The following PPP1R1C variants were observed in gnomAD, a reference collection of about 807,000 sequenced individuals.
PPP1R1C encodes protein phosphatase 1 regulatory subunit 1C.
A neutral mutation model predicts 17.4 loss-of-function variants in PPP1R1C; 15 were observed. The ratio of observed to expected loss-of-function variants is 0.86; its 90% CI spans 0.58 to 1.33. The LOEUF is 1.33. Ranked by LOEUF, PPP1R1C falls within the 40% of genes most tolerant of loss-of-function variation. The pLI is 0.00. For missense variants in PPP1R1C, 143 were observed against 130.0 expected (o/e 1.10, Z -0.48); for synonymous variants, 35 against 43.1 (o/e 0.81, Z 0.73).
upstream of PPP1R1C, among the ~76,000 whole-genome samples, chr2:181,981,171 G>T (rs1159498169): frequency 6.6e-6 from 1 of 151,742 alleles, no homozygotes; most frequent in Admixed American, 6.6e-5. Context: ...CTCGTGATCC[G>T]CCCGCCTCGG....
intron 1 of PPP1R1C, among the ~76,000 whole-genome samples, chr2:181,955,245 C>T (rs1348331565): frequency 6.6e-6 from 1 of 152,174 alleles, no homozygotes; most frequent in Non-Finnish European, 1.5e-5. Context: ...TGATTAGATT[C>T]CTGTTTTCAT....
chr2:182,123,377 A>T, intron 5 of PPP1R1C, among the ~76,000 whole-genome samples: 1 of 152,214 alleles, frequency 6.6e-6, no homozygotes, highest in East Asian at 1.9e-4. Context: ...CAGAAATGGA[A>T]TTGCTGGGTC....
At chr2:182,073,333 A>C (rs916590058) in intron 4 of PPP1R1C, among the ~76,000 whole-genome samples, 2 of 152,258 alleles carry the variant, frequency 1.3e-5, no homozygotes, top group African/African-American at 4.8e-5. Flanking sequence ...GAAGACTCCT[A>C]GTCAATGGTG....
At chr2:181,979,080 T>C (rs1160210476) in intron 2 of PPP1R1C, among the ~76,000 whole-genome samples, 1 of 152,230 alleles carries the variant, frequency 6.6e-6, no homozygotes, top group Non-Finnish European at 1.5e-5. Context: ...TTAAGAGTTT[T>C]ATCCTTATTT....
intron 4 of PPP1R1C, among the ~76,000 whole-genome samples, chr2:182,109,709 C>CT (rs764392871): frequency 6.6e-6 from 1 of 152,118 alleles, no homozygotes; most frequent in Non-Finnish European, 1.5e-5. Flanking sequence ...TTCTCTTTGT[C>CT]TGTTTTTTCA....
chr2:182,109,970 A>G (rs1181278726), intron 4 of PPP1R1C, among the ~76,000 whole-genome samples: 6 of 152,222 alleles, frequency 3.9e-5, no homozygotes, highest in Non-Finnish European at 8.8e-5. Context: ...AATTCAAAAT[A>G]AGAAATGTCA....
intron 1 of PPP1R1C, among the ~76,000 whole-genome samples, chr2:181,959,903 G>T (rs1418489922): frequency 6.6e-6 from 1 of 152,114 alleles, no homozygotes; most frequent in Non-Finnish European, 1.5e-5. Flanking sequence ...AACTTAGGTA[G>T]TAGCCATGCT....
At chr2:182,100,730 G>T (rs1051559642) in intron 4 of PPP1R1C, among the ~76,000 whole-genome samples, 1 of 152,062 alleles carries the variant, frequency 6.6e-6, no homozygotes, top group Non-Finnish European at 1.5e-5. Context: ...CCCTTTGTTC[G>T]CCTGTCTACT....
chr2:181,995,976 T>C lies in PPP1R1C; in HGVS notation c.142+8077T>C, dbSNP rs150240508. Among the ~76,000 whole-genome samples the C allele has an allele frequency of 5.9e-5, 9 of 152,190 alleles. 1 individual carries two copies. The East Asian group carries it at 9.6e-4, about 16-fold the overall frequency. ...AGAGCCTGGGCCCTAAGAAGGACAG[T>C]AGGCTGTGGTGGGGACTGTAGTCTA... On this transcript the variant is annotated intron_variant, in intron 2 of 4. Transcript: ENST00000682840.
At chr2:182,125,965 G>C (rs1029837557) in intron 5 of PPP1R1C, among the ~76,000 whole-genome samples, 2 of 152,028 alleles carry the variant, frequency 1.3e-5, no homozygotes, top group African/African-American at 2.4e-5. Flanking sequence ...TTTTGAATTT[G>C]TTTGTTCTTG....
In PPP1R1C at chr2:182,083,142, A is replaced by C. The variant is rs151025514; in HGVS notation, c.241+19351A>C. 2.3e-3 allele frequency among the ~76,000 whole-genome samples: 352 copies of C among 152,356 alleles called. 1 individual carries two copies. The highest frequency in any genetic ancestry group is 7.5e-3 in the African/African-American group (314 of 41,594). ...TGCTAAAGTCTAGAAGTCAAGTTACAAAAGAAAGATTAGATTATTGTCATA... is the reference window on the plus strand; with the variant it reads ...TGCTAAAGTCTAGAAGTCAAGTTACCAAAGAAAGATTAGATTATTGTCATA... On this transcript the variant is annotated intron_variant, in intron 4 of 4. Transcript: ENST00000682840.
Position 182,094,449 on chromosome 2 carries a change from T to C in PPP1R1C, c.242-22758T>C, listed in dbSNP as rs567001622. ...CAGACTGGTCCCCAATATGACAATT[T>C]TTCAAGTTTAGCCTGGTGGGAAAGC... On this transcript the variant is annotated intron_variant, in intron 4 of 4. Transcript: ENST00000682840. Among the ~76,000 whole-genome samples the C allele has an allele frequency of 4.6e-5, 7 of 152,338 alleles. No homozygotes were observed. In the South Asian group the frequency reaches 1.5e-3, roughly 32 times the overall value.
intron 1 of PPP1R1C, among the ~76,000 whole-genome samples, chr2:181,964,222 C>T (rs185959996): frequency 2.0e-5 from 3 of 152,240 alleles, no homozygotes; most frequent in Admixed American, 2.0e-4. Flanking sequence ...AGTTTGTCTT[C>T]CTGTGCTTGG....
At chr2:182,084,606 T>C (rs115416644) in intron 4 of PPP1R1C, among the ~76,000 whole-genome samples, 2,639 of 152,294 alleles carry the variant, frequency 0.017, 26 homozygotes, top group Non-Finnish European at 0.026. Flanking sequence ...TTACCTATTC[T>C]GTTTTATTGG....
chr2:182,125,813 GTCTA>G (rs1395418002), intron 5 of PPP1R1C, among the ~76,000 whole-genome samples: 7 of 152,054 alleles, frequency 4.6e-5, no homozygotes, highest in Non-Finnish European at 1.0e-4. Context: ...CTGGCTAGCA[GTCTA>G]TCTATTTTGT....
chr2:182,124,480 C>G (rs1689825927), intron 5 of PPP1R1C, among the ~76,000 whole-genome samples: 1 of 151,172 alleles, frequency 6.6e-6, no homozygotes, highest in Admixed American at 6.6e-5. Context: ...CTATAAATTA[C>G]TTTGGGCAGT....
intron 2 of PPP1R1C, among the ~76,000 whole-genome samples, chr2:181,992,035 G>A (rs1685487466): frequency 6.6e-6 from 1 of 152,068 alleles, no homozygotes; most frequent in African/African-American, 2.4e-5. Context: ...TGTATATTTG[G>A]CTACCAGCGT....
chr2:181,991,512 G>A (rs1471565898), intron 2 of PPP1R1C, among the ~76,000 whole-genome samples: 2 of 152,166 alleles, frequency 1.3e-5, no homozygotes, highest in Non-Finnish European at 2.9e-5. Context: ...GTCAGGGAAA[G>A]TTTAGTAACA....
At chr2:182,051,905 G>A (rs1687529632) in intron 2 of PPP1R1C, among the ~76,000 whole-genome samples, 1 of 152,098 alleles carries the variant, frequency 6.6e-6, no homozygotes, top group South Asian at 2.1e-4. Flanking sequence ...GGAGGCTGAG[G>A]CAGGAGAATT....
Sources: gnomAD v4.1 joint callset for allele counts (sites outside exome capture counted in the v4.1 genomes callset) on GRCh38, gnomAD v4.1.1 for gene constraint, MANE v1.5 for transcripts, NCBI Gene and HGNC (gene_info 2026-07-23, HGNC 2026-07-21) for gene names.